PCDH9: variants seen among roughly 807,000 people sequenced by gnomAD.
The protein encoded by PCDH9 is protocadherin 9, also known as protocadherin-9.
PCDH9 carries 24 observed loss-of-function variants against 70.6 expected under a neutral mutation model. The ratio of observed to expected loss-of-function variants is 0.34; its 90% CI spans 0.25 to 0.48. The LOEUF (loss-of-function observed/expected upper bound fraction) is 0.48, where lower values mean the gene tolerates loss of function less well. Ranked by LOEUF, PCDH9 falls within the 20% of genes least tolerant of loss-of-function variation. The probability of loss-of-function intolerance (pLI) is 0.99; values close to 1 mark genes in which losing one functional copy is unlikely to be tolerated. For synonymous variants in PCDH9, 562 were observed against 558.5 expected, an observed-to-expected ratio of 1.01 and a Z score of -0.09; for missense variants, 1,281 against 1,503.6, an observed-to-expected ratio of 0.85 and a Z score of 2.45.
intron 3 of PCDH9, among the ~76,000 whole-genome samples, chr13:66,875,666 G>C (rs977348124): frequency 6.6e-6 from 1 of 152,120 alleles, no homozygotes; most frequent in African/African-American, 2.4e-5. Flanking sequence ...GTTTTACCCT[G>C]ACTTTTCTAT....
chr13:66,396,840 T>C (rs1259352014), intron 4 of PCDH9, among the ~76,000 whole-genome samples: 1 of 152,154 alleles, frequency 6.6e-6, no homozygotes, highest in East Asian at 1.9e-4. Context: ...GATTTTGAAT[T>C]TGGAAGTCAG....
rs915370389 is a variant in PCDH9 at position 66,896,044 on chromosome 13, G to A, written c.3138+7460C>T. Among the ~76,000 whole-genome samples the A allele has an allele frequency of 5.9e-5, 9 of 152,136 alleles. No homozygotes were observed. In the South Asian group the frequency reaches 8.3e-4, roughly 14 times the overall value. ...GTTTGGTGCTGTCCATCAAGCCTGC[G>A]ACCAACACTGACACCATCAGCAAAT... On this transcript the variant is annotated intron_variant, in intron 3 of 4. Coordinates refer to ENST00000377865, the MANE Select transcript of PCDH9 (RefSeq NM_203487.3).
rs894322527 is a variant in PCDH9, at chr13:67,215,065, G to A, written c.3036+10340C>T. 2.0e-5 allele frequency: 3 copies of A among 149,410 alleles called. No homozygotes were observed. The East Asian group carries it at 5.9e-4, about 30-fold the overall frequency. The allele number at this position is 149,410 out of a possible 1,614,324, so 9.3% of individuals were successfully genotyped here. A position where few individuals can be genotyped will look rare whatever the true frequency, so the allele number is the denominator to read the frequency against. On this transcript the variant is annotated intron_variant, in intron 2 of 4. Coordinates refer to ENST00000377865, the MANE Select transcript of PCDH9 (RefSeq NM_203487.3). ...GCAAGGACTAGTGCATTTAAATGAT[G>A]TGCCCAGTATCACAGTCTTTATGTA... is the stretch of plus-strand genomic sequence containing the variant.
chr13:66,389,029 A>C (rs543657624), intron 4 of PCDH9, among the ~76,000 whole-genome samples: 3 of 152,106 alleles, frequency 2.0e-5, no homozygotes, highest in Non-Finnish European at 4.4e-5. Context: ...TCTTCTGTCC[A>C]TGTGTTTTCC....
At chr13:66,731,110 T>A (rs1253596464) in intron 3 of PCDH9, among the ~76,000 whole-genome samples, 1 of 151,912 alleles carries the variant, frequency 6.6e-6, no homozygotes, top group Non-Finnish European at 1.5e-5. Context: ...ATCTGTAGAT[T>A]TAGAAAAGAA....
chr13:66,510,821 C>T (rs978582220), intron 4 of PCDH9, among the ~76,000 whole-genome samples: 2 of 152,132 alleles, frequency 1.3e-5, no homozygotes, highest in South Asian at 2.1e-4. Flanking sequence ...AATAAACATA[C>T]GTGTGCTAAA....
chr13:66,871,363 A>G (rs887741694), intron 3 of PCDH9, among the ~76,000 whole-genome samples: 4 of 151,876 alleles, frequency 2.6e-5, no homozygotes, highest in African/African-American at 9.7e-5. Flanking sequence ...CATTGTGCAC[A>G]TGTACCCTAA....
In PCDH9 at chr13:67,169,418, G is replaced by A. The variant is rs533090198; in HGVS notation, c.3036+55987C>T. On this transcript the variant is annotated intron_variant, in intron 2 of 4. Transcript: ENST00000377865. The stretch of plus-strand genomic sequence containing the variant: ...TGCCATCTTCTGCCATACAAAATTC[G>A]TTCCAATTTTATTGTAAAAGAAAGC... Among the ~76,000 whole-genome samples, 9 of 152,064 alleles carry A rather than the reference G, an allele frequency of 5.9e-5. No homozygotes were observed. The East Asian group carries it at 1.4e-3, about 23-fold the overall frequency.
At chr13:66,450,822 T>TG (rs1458053955) in intron 4 of PCDH9, among the ~76,000 whole-genome samples, 1 of 152,178 alleles carries the variant, frequency 6.6e-6, no homozygotes, top group African/African-American at 2.4e-5. Flanking sequence ...AAGCCCATCC[T>TG]GGCTAACATG....
chr13:67,125,391 A>G (rs1056842972), intron 2 of PCDH9, among the ~76,000 whole-genome samples: 13 of 152,310 alleles, frequency 8.5e-5, no homozygotes, highest in African/African-American at 3.1e-4. Context: ...GGTGTAGGAC[A>G]TAGCTTAAAT....
At chr13:67,039,877 G>A (rs1385677536) in intron 2 of PCDH9, among the ~76,000 whole-genome samples, 2 of 152,164 alleles carry the variant, frequency 1.3e-5, no homozygotes, top group Non-Finnish European at 2.9e-5. Flanking sequence ...AGTCTTGTGA[G>A]ACTAAGAACT....
intron 2 of PCDH9, among the ~76,000 whole-genome samples, chr13:67,009,900 T>C (rs1465483898): frequency 6.6e-6 from 1 of 151,992 alleles, no homozygotes; most frequent in East Asian, 1.9e-4. Flanking sequence ...AATTTTTATA[T>C]TTAATAAAGA....
At chr13:66,308,134 C>T (rs959363804) in intron 4 of PCDH9, among the ~76,000 whole-genome samples, 10 of 151,904 alleles carry the variant, frequency 6.6e-5, no homozygotes, top group African/African-American at 2.4e-4. Flanking sequence ...ATCTGGGGGC[C>T]GTTAACTGTT....
chr13:66,942,140 T>C (rs74093670), intron 2 of PCDH9, among the ~76,000 whole-genome samples: 3,791 of 151,882 alleles, frequency 0.025, 154 homozygotes, highest in African/African-American at 0.086. Flanking sequence ...TTACAACATA[T>C]CAAAATTTGT....
At chr13:67,126,519 G>A (rs1273199415) in intron 2 of PCDH9, among the ~76,000 whole-genome samples, 1 of 152,040 alleles carries the variant, frequency 6.6e-6, no homozygotes, top group Non-Finnish European at 1.5e-5. Context: ...AGGCAAGTTT[G>A]GCCAAGAAGA....
chr13:66,417,274 G>C (rs1345040571), intron 4 of PCDH9, among the ~76,000 whole-genome samples: 1 of 152,096 alleles, frequency 6.6e-6, no homozygotes, highest in Non-Finnish European at 1.5e-5. Context: ...AAGAATATGT[G>C]GTGTTTGGTT....
At chr13:66,505,063 G>A (rs1410058698) in intron 4 of PCDH9, among the ~76,000 whole-genome samples, 1 of 152,066 alleles carries the variant, frequency 6.6e-6, no homozygotes, top group Non-Finnish European at 1.5e-5. Flanking sequence ...GAAATACTGT[G>A]CTTTGAGATT....
intron 4 of PCDH9, among the ~76,000 whole-genome samples, chr13:66,546,569 A>G (rs752271813): frequency 4.6e-5 from 7 of 152,234 alleles, no homozygotes; most frequent in Non-Finnish European, 1.0e-4. Context: ...GAAAGTTTAT[A>G]AAGTAAAACT....
In PCDH9 at chr13:67,200,362, C is replaced by T. The variant is rs551146550; in HGVS notation, c.3036+25043G>A. ...TACATGTGTTTCTCTATGGTAATAG[C>T]CAGGTGGTTGTGTCCCAGCAGGTTT... On this transcript the variant is annotated intron_variant, in intron 2 of 4. Transcript: ENST00000377865. Among the ~76,000 whole-genome samples, 141 of 152,000 alleles carry T rather than the reference C, an allele frequency of 9.3e-4. 4 individuals are homozygous for T. The South Asian group carries it at 0.029, about 31-fold the overall frequency.
Sources: allele counts gnomAD v4.1 joint callset (sites outside exome capture counted in the v4.1 genomes callset), GRCh38; gene constraint gnomAD v4.1.1; transcripts MANE v1.5; gene names NCBI Gene and HGNC (gene_info 2026-07-23, HGNC 2026-07-21).